The following RPS6KC1 variants were observed in gnomAD, a reference collection of about 807,000 sequenced individuals.
RPS6KC1 encodes the protein inactive ribosomal protein S6 kinase delta-1.
RPS6KC1 carries 54 observed loss-of-function variants against 103.8 expected under a neutral mutation model. The observed-to-expected ratio is 0.52, with a 90% CI of 0.42 to 0.65. The LOEUF is 0.65. Among genes scored for constraint, RPS6KC1 ranks in the 30% least tolerant of loss-of-function variants. The pLI, the probability that RPS6KC1 is intolerant of heterozygous loss-of-function variation, is 0.00. For synonymous variants in RPS6KC1, 439 were observed against 438.7 expected, an observed-to-expected ratio of 1.00 and a Z score of -0.01; for missense variants, 1,151 against 1,253.8, an observed-to-expected ratio of 0.92 and a Z score of 1.24.
intron 8 of RPS6KC1, among the ~76,000 whole-genome samples, chr1:213,200,263 C>T (rs1252171249): frequency 1.3e-5 from 2 of 152,074 alleles, no homozygotes; most frequent in Non-Finnish European, 2.9e-5. Context: ...ACCAAAACAG[C>T]ATGATACTGG....
At chr1:213,215,911 C>A (rs1328294604) in intron 8 of RPS6KC1, among the ~76,000 whole-genome samples, 1 of 152,160 alleles carries the variant, frequency 6.6e-6, no homozygotes, top group Non-Finnish European at 1.5e-5. Flanking sequence ...CCAGTACCAG[C>A]CACTGCAAAA....
At chr1:213,586,406 A>G in the RPS6KC1 span, among the ~76,000 whole-genome samples, 2 of 152,224 alleles carry the variant, frequency 1.3e-5, no homozygotes, top group Non-Finnish European at 2.9e-5. Flanking sequence ...AGCCTGTAAA[A>G]ACTGTCAGCA....
chr1:213,182,081 A>C (rs1472588000), intron 8 of RPS6KC1, among the ~76,000 whole-genome samples: 1 of 152,212 alleles, frequency 6.6e-6, no homozygotes, highest in African/African-American at 2.4e-5. Flanking sequence ...AAAGGAAGGT[A>C]AAGTTTTTAT....
chr1:213,230,077 G>C (rs1008661481), intron 8 of RPS6KC1, among the ~76,000 whole-genome samples: 6 of 152,152 alleles, frequency 3.9e-5, no homozygotes, highest in Admixed American at 3.3e-4. Flanking sequence ...TTAGGCTAGA[G>C]CCTGAGTTAT....
At chr1:213,510,472 T>C in the RPS6KC1 span, among the ~76,000 whole-genome samples, 1 of 152,202 alleles carries the variant, frequency 6.6e-6, no homozygotes, top group Admixed American at 6.5e-5. Context: ...TAACTTCATA[T>C]TGTGAAACTC....
the RPS6KC1 span, among the ~76,000 whole-genome samples, chr1:213,325,285 A>T: frequency 6.6e-6 from 1 of 152,030 alleles, no homozygotes; most frequent in African/African-American, 2.4e-5. Flanking sequence ...TTCGCTTTCT[A>T]AGTGTCTTGA....
At chr1:213,193,779 A>G (rs1279988745) in intron 8 of RPS6KC1, among the ~76,000 whole-genome samples, 1 of 151,890 alleles carries the variant, frequency 6.6e-6, no homozygotes, top group African/African-American at 2.4e-5. Context: ...TAGGTGCGCA[A>G]TACCATGCCT....
chr1:213,258,478 A>G (rs1032601146), intron 12 of RPS6KC1, among the ~76,000 whole-genome samples: 2 of 152,216 alleles, frequency 1.3e-5, no homozygotes, highest in Non-Finnish European at 2.9e-5. Flanking sequence ...TTTTAGCTTC[A>G]CATAATTTAA....
At chr1:213,491,815 C>T in the RPS6KC1 span, among the ~76,000 whole-genome samples, 1 of 152,112 alleles carries the variant, frequency 6.6e-6, no homozygotes, top group Admixed American at 6.5e-5. Flanking sequence ...TATCTGAGTC[C>T]CCAGCGCATC....
chr1:213,458,433 G>T, the RPS6KC1 span, among the ~76,000 whole-genome samples: 2 of 151,906 alleles, frequency 1.3e-5, no homozygotes, highest in African/African-American at 4.8e-5. Flanking sequence ...CTGTGTTTTT[G>T]CTATTGTGAA....
the RPS6KC1 span, among the ~76,000 whole-genome samples, chr1:213,363,120 G>C: frequency 6.6e-6 from 1 of 152,240 alleles, no homozygotes; most frequent in Admixed American, 6.5e-5. Flanking sequence ...CCTGCTCTAG[G>C]ACTAACAATT....
chr1:213,832,321 G>A, the RPS6KC1 span, among the ~76,000 whole-genome samples: 1 of 152,032 alleles, frequency 6.6e-6, no homozygotes, highest in African/African-American at 2.4e-5. Context: ...CATTGACTGG[G>A]GCCATAAGAC....
At chr1:213,642,576 C>T in the RPS6KC1 span, among the ~76,000 whole-genome samples, 1 of 151,876 alleles carries the variant, frequency 6.6e-6, no homozygotes, top group African/African-American at 2.4e-5. Flanking sequence ...GGTTTTTAAT[C>T]CTGAATATCA....
intron 6 of RPS6KC1, 31 bp from the exon 7 acceptor site, chr1:213,167,827 A>AT (rs1558463399): frequency 6.8e-7 from 1 of 1,468,898 alleles, no homozygotes; most frequent in Non-Finnish European, 9.4e-7. Context: ...AGGAAAATTT[A>AT]TTTTTTACAT....
chr1:213,418,533 G>A, the RPS6KC1 span, among the ~76,000 whole-genome samples: 3 of 152,170 alleles, frequency 2.0e-5, no homozygotes, highest in Non-Finnish European at 2.9e-5. Flanking sequence ...AGTCGTTGGA[G>A]CTTTGTTCAT....
the RPS6KC1 span, among the ~76,000 whole-genome samples, chr1:213,722,663 G>A: frequency 6.6e-6 from 1 of 152,128 alleles, no homozygotes; most frequent in Admixed American, 6.5e-5. Flanking sequence ...GTGAACAAGG[G>A]ACACCATCCG....
In RPS6KC1 at chr1:213,257,475, A is replaced by T. The variant is rs892451157; in HGVS notation, c.2912-4083A>T. 3.3e-5 allele frequency among the ~76,000 whole-genome samples: 5 copies of T among 152,188 alleles called. No individual in the cohort carries two copies. In the East Asian group the frequency reaches 9.6e-4, roughly 29 times the overall value. On this transcript the variant is annotated intron_variant, in intron 12 of 14. Transcript: ENST00000366960. Reference sequence around the variant, plus strand: ...TTTACATCTCTAAGCTAACTGGATCAGATGTCCTGCTTCTTCCTGGGCACA... The same window carrying T: ...TTTACATCTCTAAGCTAACTGGATCTGATGTCCTGCTTCTTCCTGGGCACA...
chr1:213,592,234 G>A, the RPS6KC1 span, among the ~76,000 whole-genome samples: 1 of 152,150 alleles, frequency 6.6e-6, no homozygotes, highest in Non-Finnish European at 1.5e-5. Context: ...AAAGAAAAAA[G>A]AGAAAATGAT....
chr1:213,193,139 G>A (rs1350328529), intron 8 of RPS6KC1, among the ~76,000 whole-genome samples: 1 of 151,716 alleles, frequency 6.6e-6, no homozygotes, highest in Non-Finnish European at 1.5e-5. Context: ...CCTTGAAAAT[G>A]ATCCACGTGC....
Sources: gnomAD v4.1 joint callset for allele counts (sites outside exome capture counted in the v4.1 genomes callset) on GRCh38, gnomAD v4.1.1 for gene constraint, MANE v1.5 for transcripts, NCBI Gene and HGNC (gene_info 2026-07-23, HGNC 2026-07-21) for gene names.